Variants in LOXHD1 observed in about 807,000 individuals in gnomAD.
The protein encoded by LOXHD1 is lipoxygenase homology PLAT domains 1, also known as lipoxygenase homology domain-containing protein 1.
Under a neutral mutation model 248.2 loss-of-function variants are expected in LOXHD1, and 205 were observed. The observed-to-expected ratio is 0.83, with a 90% CI of 0.74 to 0.93. The LOEUF (loss-of-function observed/expected upper bound fraction) is 0.93. Among genes scored for constraint, LOXHD1 ranks in the 40% least tolerant of loss-of-function variants. The pLI, the probability that LOXHD1 is intolerant of heterozygous loss-of-function variation, is 0.00. For synonymous variants in LOXHD1, 1,113 were observed against 1,162.8 expected, an observed-to-expected ratio of 0.96 and a Z score of 0.87; for missense variants, 2,930 against 2,971.6, an observed-to-expected ratio of 0.99 and a Z score of 0.33.
intron 37 of LOXHD1, among the ~76,000 whole-genome samples, chr18:46,495,106 G>A (rs1325579333): frequency 9.2e-5 from 14 of 151,858 alleles, no homozygotes; most frequent in East Asian, 3.9e-4. Context: ...CACCAGCCTC[G>A]GCCTCCCAAA....
intron 27 of LOXHD1, chr18:46,533,634 C>T: frequency 3.0e-6 from 1 of 336,050 alleles, no homozygotes; most frequent in Non-Finnish European, 5.6e-6. Context: ...TTAAAAATTG[C>T]TCCCTCTGGC....
chr18:46,610,602 G>A (rs1292453379), intron 6 of LOXHD1, among the ~76,000 whole-genome samples, 174 bp downstream of exon 6: 4 of 152,186 alleles, frequency 2.6e-5, no homozygotes, highest in Non-Finnish European at 5.9e-5. Flanking sequence ...TGGTAACGTG[G>A]ATGAAGTCTT....
At chr18:46,641,917 A>C (rs756574288) in intron 3 of LOXHD1, 39 bp downstream of exon 3, 1 of 1,531,668 alleles carries the variant, frequency 6.5e-7, no homozygotes, top group South Asian at 1.2e-5. Context: ...CCTCACTTTC[A>C]TCTCCACCCT....
intron 22 of LOXHD1, among the ~76,000 whole-genome samples, chr18:46,546,054 A>G (rs1005678573): frequency 2.0e-5 from 3 of 152,026 alleles, no homozygotes; most frequent in Non-Finnish European, 4.4e-5. Context: ...CCTTCAATCA[A>G]TAGAGTTGAT....
chr18:46,557,333 C>G (rs1056488675), intron 21 of LOXHD1, 23 bp downstream of exon 21: 2 of 1,552,238 alleles, frequency 1.3e-6, no homozygotes, highest in African/African-American at 1.4e-5. Flanking sequence ...ACACCCCTCC[C>G]TGCCCACTGC....
At chr18:46,523,957 T>C (rs1202409482) in intron 31 of LOXHD1, among the ~76,000 whole-genome samples, 2 of 152,194 alleles carry the variant, frequency 1.3e-5, no homozygotes, top group Non-Finnish European at 2.9e-5. Context: ...TGATAGGCAA[T>C]TTAGAACTGC....
At chr18:46,627,828 T>A (rs1194207622) in intron 4 of LOXHD1, among the ~76,000 whole-genome samples, 1 of 152,220 alleles carries the variant, frequency 6.6e-6, no homozygotes, top group African/African-American at 2.4e-5. Context: ...GGCCTCCTGA[T>A]TCCTTCTTCC....
intron 37 of LOXHD1, among the ~76,000 whole-genome samples, chr18:46,501,191 C>A (rs2034205912): frequency 6.6e-6 from 1 of 152,050 alleles, no homozygotes; most frequent in African/African-American, 2.4e-5. Flanking sequence ...TATTTGTAAC[C>A]CTAAATTAAT....
intron 10 of LOXHD1, among the ~76,000 whole-genome samples, chr18:46,593,326 A>G (rs964675051): frequency 1.3e-5 from 2 of 152,188 alleles, no homozygotes; most frequent in Non-Finnish European, 2.9e-5. Context: ...CAACTCCTGG[A>G]TAGTTTAAGC....
chr18:46,586,733 C>A (rs895191947), intron 12 of LOXHD1, among the ~76,000 whole-genome samples: 4 of 152,190 alleles, frequency 2.6e-5, no homozygotes, highest in Admixed American at 2.6e-4. Flanking sequence ...CAGGCATGAG[C>A]CACTGCGTCC....
At chr18:46,570,318 A>AC (rs1486405004) in intron 15 of LOXHD1, among the ~76,000 whole-genome samples, 1 of 152,164 alleles carries the variant, frequency 6.6e-6, no homozygotes, top group Non-Finnish European at 1.5e-5. Context: ...ACAAGGCAAG[A>AC]CCCCAAGTCC....
intron 20 of LOXHD1, 30 bp downstream of exon 20, chr18:46,559,418 C>T: frequency 1.9e-6 from 3 of 1,551,906 alleles, no homozygotes; most frequent in African/African-American, 1.4e-5. Flanking sequence ...CCCACAGCCC[C>T]CACCCAGGGG....
intron 4 of LOXHD1, among the ~76,000 whole-genome samples, chr18:46,626,412 C>A (rs938378401): frequency 6.6e-6 from 1 of 152,204 alleles, no homozygotes; most frequent in African/African-American, 2.4e-5. Flanking sequence ...GTGGCACATG[C>A]CTGTAATCCC....
chr18:46,536,598 G>A (rs2144305291), intron 26 of LOXHD1, among the ~76,000 whole-genome samples: 1 of 152,336 alleles, frequency 6.6e-6, no homozygotes, highest in Non-Finnish European at 1.5e-5. Context: ...GTCATGCCGA[G>A]GTGTGATCAC....
At chr18:46,646,759 T>A (rs2039035971) in intron 2 of LOXHD1, among the ~76,000 whole-genome samples, 1 of 152,222 alleles carries the variant, frequency 6.6e-6, no homozygotes, top group South Asian at 2.1e-4. Context: ...TCATCTGAGT[T>A]ATTTTCACCA....
chr18:46,610,765 G>A lies in LOXHD1; in HGVS notation c.759+11C>T, dbSNP rs755171381. 2.5e-5 allele frequency: 39 copies of A among 1,547,890 alleles called. No homozygotes were observed. In the South Asian group the frequency reaches 3.9e-4, roughly 16 times the overall value. On this transcript the variant is annotated intron_variant, in intron 6 of 40. Coordinates refer to ENST00000642948, the MANE Select transcript of LOXHD1 (RefSeq NM_001384474.1). ...AGGCCACAGGGACTGCAGAGAAGCA[G>A]CTGAACTCACCTGGGACAGGAACCA...
At chr18:46,529,140 G>A (rs773632811) in intron 29 of LOXHD1, 37 bp downstream of exon 29, 2 of 1,550,710 alleles carry the variant, frequency 1.3e-6, no homozygotes, top group African/African-American at 1.4e-5. Context: ...GGCCTGGAGA[G>A]GAGGGAAGGA....
chr18:46,518,984 A>G, intron 33 of LOXHD1: 2 of 985,510 alleles, frequency 2.0e-6, no homozygotes, highest in South Asian at 9.4e-5. Flanking sequence ...TGTGCTCCAA[A>G]GAGAATGTCT....
intron 12 of LOXHD1, among the ~76,000 whole-genome samples, chr18:46,587,486 G>A (rs1955697971): frequency 6.6e-6 from 1 of 152,188 alleles, no homozygotes; most frequent in Non-Finnish European, 1.5e-5. Flanking sequence ...TTGGTTGGAA[G>A]TTCTCAAGGG....
Sources: gnomAD v4.1 joint callset for allele counts (sites outside exome capture counted in the v4.1 genomes callset) on GRCh38, gnomAD v4.1.1 for gene constraint, MANE v1.5 for transcripts, NCBI Gene and HGNC (gene_info 2026-07-23, HGNC 2026-07-21) for gene names.